Variants in C3 observed in about 807,000 individuals in gnomAD.
C3 encodes the protein C3 and PZP-like alpha-2-macroglobulin domain-containing protein 1.
In C3, 97 loss-of-function variants were observed where a neutral mutation model predicts 207.9. The ratio of observed to expected loss-of-function variants is 0.47; its 90% confidence interval spans 0.40 to 0.55. C3 has a LOEUF of 0.55. Ranked by LOEUF, C3 falls within the 20% of genes least tolerant of loss-of-function variation. The pLI is 0.00. For missense variants in C3, 1,684 were observed against 2,171.7 expected, an observed-to-expected ratio of 0.78 and a Z score of 4.46; for synonymous variants, 848 against 857.6, an observed-to-expected ratio of 0.99 and a Z score of 0.20.
At chr19:6,688,612 C>G (rs552296005) in intron 27 of C3, among the ~76,000 whole-genome samples, 2 of 152,220 alleles carry the variant, frequency 1.3e-5, no homozygotes, top group South Asian at 4.1e-4. Context: ...CTCCACCTCC[C>G]TGGTTCAAGT....
chr19:6,706,870 C>G (rs569603435), intron 17 of C3, among the ~76,000 whole-genome samples: 2 of 137,420 alleles, frequency 1.5e-5, no homozygotes, highest in Non-Finnish European at 3.0e-5. Flanking sequence ...CCTCCTCAGA[C>G]GGAGGTTTCC....
chr19:6,708,083 T>A (rs374367619), intron 14 of C3, among the ~76,000 whole-genome samples, 154 bp from the exon 15 acceptor site: 1 of 149,430 alleles, frequency 6.7e-6, no homozygotes, highest in Admixed American at 6.7e-5. Flanking sequence ...TCTCTTTCTC[T>A]TTCCTTCCTT....
Position 6,685,219 on chromosome 19 carries a change from G to C in C3, c.3811-73C>G, listed in dbSNP as rs2241394. 0.12 allele frequency: 171,883 copies of C among 1,417,662 alleles called. 11,259 individuals carry two copies. Among genetic ancestry groups the C allele is most frequent in the Non-Finnish European group, 0.13 (132,365 of 1,015,132 alleles). The allele number at this position is 1,417,662 out of a possible 1,614,324, so 87.8% of individuals were successfully genotyped here. A position where few individuals can be genotyped will look rare whatever the true frequency, so the allele number is the denominator to read the frequency against. Reference sequence around the variant, plus strand: ...TGGCTAGAATCCAGTGGGGGATAAAGAGGTTCAAATCAGAGCTGGGACATC... The same window carrying C: ...TGGCTAGAATCCAGTGGGGGATAAACAGGTTCAAATCAGAGCTGGGACATC... On this transcript the variant is annotated intron_variant, in intron 29 of 40. Transcript: ENST00000245907.
In C3 at chr19:6,719,414, G is replaced by C. The variant is rs765839398; in HGVS notation, c.75-11C>G. 6.2e-7 allele frequency: 1 copy of C among 1,613,040 alleles called. No homozygotes were observed. Among genetic ancestry groups the C allele is most frequent in the South Asian group, 1.1e-5 (1 of 91,070 alleles). Reference sequence around the variant, plus strand: ...GTGATGATAGAGTACCTGTCGGAGTGGGGCACGGGAGTGGGCTTGTCATTC... The same window carrying C: ...GTGATGATAGAGTACCTGTCGGAGTCGGGCACGGGAGTGGGCTTGTCATTC... On this transcript the variant is annotated splice_polypyrimidine_tract_variant and intron_variant, in intron 1 of 40. Transcript: ENST00000245907. The surrounding 1 kb of genome is among the most constrained non-coding windows in gnomAD (Gnocchi z 5.4).
chr19:6,684,696 G>T, intron 31 of C3, 46 bp from the exon 32 acceptor site: 2 of 1,600,170 alleles, frequency 1.2e-6, no homozygotes, highest in Non-Finnish European at 1.7e-6. Flanking sequence ...ACAGGACTAG[G>T]ACTGCTGGGG....
intron 19 of C3, among the ~76,000 whole-genome samples, chr19:6,700,515 T>TG (rs1967636492): frequency 3.0e-5 from 1 of 32,918 alleles, no homozygotes; most frequent in Non-Finnish European, 4.3e-5. Flanking sequence ...ATGTAATATA[T>TG]AATATATGTA....
chr19:6,710,616 G>A (rs1314013568), intron 13 of C3, 23 bp downstream of exon 13: 7 of 1,586,878 alleles, frequency 4.4e-6, no homozygotes, highest in East Asian at 4.5e-5. Flanking sequence ...GAGAGGGGGC[G>A]AGCGAGCCCA....
Position 6,697,989 on chromosome 19 carries a change from T to TTTATTATTA in C3, c.2441-204_2441-196dup, listed in dbSNP as rs146892701. ...TGGTGGTGGCTGGGAGTTACCATTA[T>TTTATTATTA]TTATTATTATTATTATTATTATTAT... On this transcript the variant is annotated intron_variant, in intron 19 of 40. Coordinates refer to ENST00000245907, the MANE Select transcript of C3 (RefSeq NM_000064.4). Among the ~76,000 whole-genome samples, 371 of 61,196 alleles carry TTTATTATTA rather than the reference T, an allele frequency of 6.1e-3. 2 individuals carry two copies. The highest frequency in any genetic ancestry group is 0.023 in the East Asian group (31 of 1,322). 40.1% of individuals were successfully genotyped at this position (61,196 alleles called of 152,430 possible).
chr19:6,679,573 C>T, intron 36 of C3, 77 bp from the exon 37 acceptor site: 1 of 967,682 alleles, frequency 1.0e-6, no homozygotes, highest in African/African-American at 1.6e-5. Flanking sequence ...CCCAGATCCC[C>T]AGTTCTCAGT....
In C3 at chr19:6,684,412, G is replaced by T. The variant is rs139100972; in HGVS notation, c.4148C>A (p.Thr1383Asn). 1.1e-4 allele frequency: 173 copies of T among 1,613,908 alleles called. No homozygotes were observed. The highest frequency in any genetic ancestry group is 3.8e-4 in the Admixed American group (23 of 60,006). ...TEKRPQDAKN[T>N]MILEICTRYR... The stretch of plus-strand genomic sequence containing the variant: ...CCTGGTACAGATCTCAAGGATCATA[G>T]TGTTCTTGGCATCCTGAGGCCTCTT... The change falls in exon 33 of 41, where the codon ACT (threonine) becomes AAT (asparagine). Residue 1383 changes from threonine to asparagine, a missense_variant. Thr to Asn is a moderately conservative substitution (Grantham distance 65, BLOSUM62 0). This residue lies in a region of C3 where 346 missense variants were observed against 380.1 expected (regional missense o/e 0.91). Transcript: ENST00000245907.
At chr19:6,690,861 G>A (rs926781699) in intron 26 of C3, 134 bp from the exon 27 acceptor site, 2 of 720,520 alleles carry the variant, frequency 2.8e-6, no homozygotes, top group East Asian at 2.7e-5. Context: ...CGCTACCCTA[G>A]GAAGGTCAAA....
At position 6,707,525 on chromosome 19, in the gene C3, G is replaced by A. The variant is rs112187261; in HGVS notation, c.1988C>T (p.Pro663Leu). Reference protein sequence around the residue: ...QTAQRAELQCPQPAARRRRSV... With the variant: ...QTAQRAELQCLQPAARRRRSV... ...ACGGCGTCGGCGGGCGGCTGGCTGC[G>A]GGCACTGAAGTTCTGCAGGGCAGGC... Residue 663 changes from proline (P) to leucine (L), a missense_variant, in exon 16 of 41, where the codon CCG becomes CTG. Physicochemically the swap from Pro to Leu is moderately conservative, Grantham distance 98. Coordinates refer to ENST00000245907, the MANE Select transcript of C3 (RefSeq NM_000064.4). 1 of 1,613,854 alleles carries A rather than the reference G, an allele frequency of 6.2e-7. No homozygotes were observed. Among genetic ancestry groups the A allele is most frequent in the Non-Finnish European group, 8.5e-7 (1 of 1,179,950 alleles).
intron 35 of C3, among the ~76,000 whole-genome samples, chr19:6,681,384 T>G (rs1917856840): frequency 6.9e-6 from 1 of 145,344 alleles, no homozygotes; most frequent in Non-Finnish European, 1.5e-5. Flanking sequence ...GCATAATATT[T>G]ATGAAAAAAA....
At chr19:6,710,906 T>A in intron 12 of C3, 61 bp from the exon 13 acceptor site, 1 of 1,602,764 alleles carries the variant, frequency 6.2e-7, no homozygotes. Flanking sequence ...CAGGGAGGGA[T>A]CCGGGATGGG....
rs150214928 is a variant in C3, at chr19:6,712,568, G to A, written c.1059C>T (p.Tyr353=). The A allele has an allele frequency of 1.8e-4, 293 of 1,614,036 alleles. 1 individual carries two copies. Among genetic ancestry groups the A allele is most frequent in the Non-Finnish European group, 2.4e-4 (282 of 1,180,018 alleles). Residue 353 remains tyrosine, a synonymous_variant, in exon 10 of 41, where the codon TAC becomes TAT. Coordinates refer to ENST00000245907, the MANE Select transcript of C3 (RefSeq NM_000064.4). ...TGGGTGTCTTGGTGAAGTGGATCTG[G>A]TAGGGAGAGGTCACGATGGGGATCC... The part of the protein sequence containing the change: ...RSGIPIVTSP[Y]QIHFTKTPKY...
chr19:6,714,305 C>G, intron 5 of C3, 47 bp downstream of exon 5: 1 of 1,605,092 alleles, frequency 6.2e-7, no homozygotes, highest in Non-Finnish European at 8.5e-7. Context: ...TGCTCCCTCT[C>G]CGGGGATAGG....
chr19:6,709,466 G>C (rs77176614), intron 14 of C3, among the ~76,000 whole-genome samples: 106 of 141,564 alleles, frequency 7.5e-4, no homozygotes, highest in African/African-American at 2.8e-3. Flanking sequence ...CAAACAAACA[G>C]AAAAAAAAGT....
chr19:6,689,321 CTA>C (rs1197243995), intron 27 of C3, among the ~76,000 whole-genome samples: 47 of 59,656 alleles, frequency 7.9e-4, no homozygotes, highest in African/African-American at 3.3e-3. Context: ...CTCTCTCTCT[CTA>C]CCTACCTCCC....
chr19:6,707,134 G>T lies in C3; in HGVS notation c.2187C>A (p.Asn729Lys). Residue 729 changes from asparagine to lysine, a missense_variant, in exon 17 of 41, where the codon AAC (asparagine) becomes AAA (lysine). This residue lies in a region of C3 where 1,280 missense variants were observed against 1,739.1 expected (regional missense o/e 0.74). Coordinates refer to ENST00000245907, the MANE Select transcript of C3 (RefSeq NM_000064.4). The part of the protein sequence containing the change: ...ACKKVFLDCC[N>K]YITELRRQHA... ...GCTGCCGCCGCAGCTCTGTGATGTA[G>T]TTGCAGCAGTCCAGGAAGACCTTCT... 5 of 1,613,710 alleles carry T rather than the reference G, an allele frequency of 3.1e-6. No individual in the cohort carries two copies. The highest frequency in any genetic ancestry group is 4.2e-6 in the Non-Finnish European group (5 of 1,179,912).
Sources: gnomAD v4.1 joint callset for allele counts (sites outside exome capture counted in the v4.1 genomes callset) on GRCh38, gnomAD v4.1.1 for gene constraint, gnomAD v4.1.1 regional missense constraint, Gnocchi (gnomAD v3.1) non-coding constraint, MANE v1.5 for transcripts, NCBI Gene and HGNC (gene_info 2026-07-23, HGNC 2026-07-21) for gene names.